Variants in NXPE2 observed in about 807,000 individuals in gnomAD.
NXPE2 encodes NXPE family member 2.
A neutral mutation model predicts 34.4 loss-of-function variants in NXPE2; 34 were observed. The observed-to-expected ratio is 0.99, with a 90% confidence interval of 0.75 to 1.31. The LOEUF is 1.31. NXPE2 is among the 40% of genes most tolerant of loss of function. NXPE2 has a pLI of 0.00. For missense variants in NXPE2, 649 were observed against 672.5 expected (o/e 0.97, Z 0.39); for synonymous variants, 235 against 231.3 (o/e 1.02, Z -0.15).
the NXPE2 span, among the ~76,000 whole-genome samples, chr11:114,468,650 G>A: frequency 3.3e-5 from 5 of 152,206 alleles, no homozygotes; most frequent in South Asian, 6.2e-4. Flanking sequence ...TAGAGACCAA[G>A]GATTCTACTG....
At chr11:114,773,110 G>T in the NXPE2 span, among the ~76,000 whole-genome samples, 1 of 152,064 alleles carries the variant, frequency 6.6e-6, no homozygotes, top group Admixed American at 6.5e-5. Context: ...TCCTTAAGGG[G>T]AGCCAGGCTT....
At chr11:114,675,147 TA>T, upstream of NXPE2, among the ~76,000 whole-genome samples, 1 of 151,724 alleles carries the variant, frequency 6.6e-6, no homozygotes, top group East Asian at 1.9e-4. Context: ...GAAGGATTAT[TA>T]GAAGGATTAT....
At chr11:114,772,919 C>T in the NXPE2 span, among the ~76,000 whole-genome samples, 1 of 152,166 alleles carries the variant, frequency 6.6e-6, no homozygotes, top group Non-Finnish European at 1.5e-5. Flanking sequence ...GTTTTCATCC[C>T]TTTTCTCCTG....
At chr11:114,489,531 T>C in the NXPE2 span, among the ~76,000 whole-genome samples, 1 of 152,184 alleles carries the variant, frequency 6.6e-6, no homozygotes, top group Non-Finnish European at 1.5e-5. Context: ...GCTTCATCCC[T>C]GGGATGCAAG....
In NXPE2 at chr11:114,706,548, G is replaced by T. The variant is rs773922645; in HGVS notation, c.1298G>T (p.Arg433Leu). 6.4e-7 allele frequency: 1 copy of T among 1,551,812 alleles called. No homozygotes were observed. Reference sequence around the variant, plus strand: ...GTGAAAGATGAAAACTATATCCCACGGGAAATTGACCAGGTAGCAGGAGAC... The same window carrying T: ...GTGAAAGATGAAAACTATATCCCACTGGAAATTGACCAGGTAGCAGGAGAC... The part of the protein sequence containing the change: ...FSVKDENYIP[R>L]EIDQVAGDKN... Residue 433 changes from arginine to leucine, a missense_variant, in exon 6 of 6, where the codon CGG becomes CTG. Transcript: ENST00000389586.
chr11:114,611,941 T>A, the NXPE2 span, among the ~76,000 whole-genome samples: 1 of 151,986 alleles, frequency 6.6e-6, no homozygotes, highest in Non-Finnish European at 1.5e-5. Context: ...GGGTAACCAC[T>A]GTTACCTGGT....
intron 2 of NXPE2, among the ~76,000 whole-genome samples, chr11:114,687,781 C>T (rs1042597773): frequency 2.6e-5 from 4 of 151,888 alleles, no homozygotes; most frequent in African/African-American, 4.8e-5. Flanking sequence ...TTCTCCTCAA[C>T]GTTTTGTAGT....
At chr11:114,491,730 A>T in the NXPE2 span, among the ~76,000 whole-genome samples, 29 of 152,280 alleles carry the variant, frequency 1.9e-4, 1 homozygote, top group African/African-American at 6.3e-4. Context: ...TGAGGCACTA[A>T]TCACAATAGC....
At chr11:114,528,897 G>A in the NXPE2 span, 1 of 585,900 alleles carries the variant, frequency 1.7e-6, no homozygotes, top group East Asian at 2.8e-5. Flanking sequence ...GATGGTTGAT[G>A]GGTAGGAAGA....
At chr11:114,603,238 G>C in the NXPE2 span, among the ~76,000 whole-genome samples, 1 of 151,282 alleles carries the variant, frequency 6.6e-6, no homozygotes, top group Non-Finnish European at 1.5e-5. Context: ...GATAAGTATT[G>C]CCTCGTCTCC....
chr11:114,679,643 G>A lies in NXPE2; in HGVS notation c.27-14G>A. ...TTGATTTAATGTGATTATTTCTCCT[G>A]TCCTTTCTTATAGGATACTCACTTT... On this transcript the variant is annotated splice_polypyrimidine_tract_variant and intron_variant, in intron 1 of 5. Coordinates refer to ENST00000389586, the MANE Select transcript of NXPE2 (RefSeq NM_182495.6). 1.4e-5 allele frequency: 20 copies of A among 1,480,700 alleles called. No homozygotes were observed. Among genetic ancestry groups the A allele is most frequent in the Non-Finnish European group, 1.8e-5 (20 of 1,084,086 alleles). The allele number at this position is 1,480,700 out of a possible 1,614,324, so 91.7% of individuals were successfully genotyped here.
chr11:114,759,537 C>A, the NXPE2 span, among the ~76,000 whole-genome samples: 2 of 152,104 alleles, frequency 1.3e-5, no homozygotes, highest in Admixed American at 6.5e-5. Flanking sequence ...CTCCTTATTG[C>A]GTCAGTTTCT....
At chr11:114,687,307 G>C (rs1048764267) in intron 2 of NXPE2, among the ~76,000 whole-genome samples, 1 of 151,916 alleles carries the variant, frequency 6.6e-6, no homozygotes, top group Non-Finnish European at 1.5e-5. Flanking sequence ...AGAGGCGGGG[G>C]TCCAGTTTTA....
chr11:114,572,163 A>G, the NXPE2 span, among the ~76,000 whole-genome samples: 1 of 152,084 alleles, frequency 6.6e-6, no homozygotes, highest in Non-Finnish European at 1.5e-5. Flanking sequence ...TTCCTAGGGG[A>G]AGGGGGATTA....
chr11:114,758,400 C>T, the NXPE2 span, among the ~76,000 whole-genome samples: 1 of 152,176 alleles, frequency 6.6e-6, no homozygotes, highest in East Asian at 1.9e-4. Flanking sequence ...AACATTGGGA[C>T]TGGGAAATTG....
the NXPE2 span, among the ~76,000 whole-genome samples, chr11:114,525,369 C>T: frequency 1.3e-5 from 2 of 151,860 alleles, no homozygotes; most frequent in Non-Finnish European, 2.9e-5. Flanking sequence ...TATGTTGAAG[C>T]AGAAGATATA....
chr11:114,725,976 A>AAAATATATATATATATATATGT, the NXPE2 span, among the ~76,000 whole-genome samples: 4 of 101,768 alleles, frequency 3.9e-5, no homozygotes, highest in Non-Finnish European at 8.3e-5. Context: ...ATAAAAAAAA[A>AAAATATATATATATATATATGT]ATATATATAT....
At chr11:114,528,422 C>T in the NXPE2 span, among the ~76,000 whole-genome samples, 85 of 152,226 alleles carry the variant, frequency 5.6e-4, no homozygotes, top group African/African-American at 2.0e-3. Context: ...GGCAGGTAGA[C>T]CTTTTATCAG....
the NXPE2 span, among the ~76,000 whole-genome samples, chr11:114,629,705 C>T: frequency 2.0e-5 from 3 of 151,836 alleles, no homozygotes; most frequent in Admixed American, 6.6e-5. Context: ...AAAGGGTATT[C>T]AATTAGGAAA....
Sources: gnomAD v4.1 joint callset for allele counts (sites outside exome capture counted in the v4.1 genomes callset) on GRCh38, gnomAD v4.1.1 for gene constraint, MANE v1.5 for transcripts, NCBI Gene and HGNC (gene_info 2026-07-23, HGNC 2026-07-21) for gene names.